METAP1: variants seen among roughly 807,000 people sequenced by gnomAD.
METAP1 encodes methionine aminopeptidase 1.
Under a neutral mutation model 53.8 loss-of-function variants are expected in METAP1, and 28 were observed. The ratio of observed to expected loss-of-function variants is 0.52; its 90% CI spans 0.39 to 0.71. The LOEUF is 0.71. METAP1 is among the 30% of genes least tolerant of loss of function. The probability of loss-of-function intolerance (pLI) is 0.00; values close to 1 mark genes in which losing one functional copy is unlikely to be tolerated. For missense variants in METAP1, 389 were observed against 479.8 expected (o/e 0.81, Z 1.77); for synonymous variants, 181 against 165.7 (o/e 1.09, Z -0.71).
At chr4:99,051,452 G>T (rs1726697239) in intron 9 of METAP1, among the ~76,000 whole-genome samples, 1 of 151,934 alleles carries the variant, frequency 6.6e-6, no homozygotes, top group African/African-American at 2.4e-5. Context: ...GTGTAGTGGT[G>T]CAGTCACAGC....
chr4:99,006,962 CTT>C (rs377025900), intron 1 of METAP1, among the ~76,000 whole-genome samples: 9 of 141,938 alleles, frequency 6.3e-5, no homozygotes, highest in East Asian at 6.1e-4. Flanking sequence ...TTGTGAAACA[CTT>C]TTTTTTTTTT....
At chr4:99,017,155 A>G (rs1007264968) in intron 1 of METAP1, among the ~76,000 whole-genome samples, 1 of 152,164 alleles carries the variant, frequency 6.6e-6, no homozygotes, top group East Asian at 1.9e-4. Context: ...TACAATAGCT[A>G]TTTCTCCTGG....
rs192708953 is a variant in METAP1, at chr4:99,060,767, G to A, written c.998-387G>A. ...GAATGTCCTTTTTAAAAAATTTCCTGTTTTAAAATGGACAATTATTGTACA... is the reference window on the plus strand; with the variant it reads ...GAATGTCCTTTTTAAAAAATTTCCTATTTTAAAATGGACAATTATTGTACA... On this transcript the variant is annotated intron_variant, in intron 10 of 10. Coordinates refer to ENST00000296411, the MANE Select transcript of METAP1 (RefSeq NM_015143.3). 1.3e-3 allele frequency among the ~76,000 whole-genome samples: 200 copies of A among 152,166 alleles called. 3 individuals are homozygous for A. The highest frequency in any genetic ancestry group is 0.013 in the Admixed American group (199 of 15,286).
At chr4:99,034,192 C>A in intron 2 of METAP1, 38 bp from the exon 3 acceptor site, 1 of 1,225,374 alleles carries the variant, frequency 8.2e-7, no homozygotes, top group Non-Finnish European at 1.2e-6. Context: ...TTCCCTCCTT[C>A]TCCTCCTTCC....
rs755333115 is a variant in METAP1 at position 99,061,342 on chromosome 4, G to A, written c.*25G>A. Reference sequence around the variant, plus strand: ...ATTTCTCCCAAGATGGCACATCTCAGTACCTTCTTACTGTGCTATGCATTT... The same window carrying A: ...ATTTCTCCCAAGATGGCACATCTCAATACCTTCTTACTGTGCTATGCATTT... On this transcript the variant is annotated 3_prime_UTR_variant, in exon 11 of 11. Transcript: ENST00000296411. 26 of 1,598,720 alleles carry A rather than the reference G, an allele frequency of 1.6e-5. No individual in the cohort carries two copies. Among genetic ancestry groups the A allele is most frequent in the East Asian group, 2.2e-5 (1 of 44,568 alleles).
intron 2 of METAP1, chr4:99,031,766 G>A: frequency 2.2e-6 from 1 of 461,036 alleles, no homozygotes; most frequent in South Asian, 1.7e-5. Flanking sequence ...GTTATTTTGT[G>A]TCAGCTGACC....
chr4:99,041,401 A>G lies in METAP1; in HGVS notation c.516+275A>G, dbSNP rs62325195. ...AGCATTTCAGTTGAGCTTTTATAAA[A>G]TGATTGATTTTATCTGCTTTAAGTA... is the stretch of plus-strand genomic sequence containing the variant. On this transcript the variant is annotated intron_variant, in intron 6 of 10. Transcript: ENST00000296411. Among the ~76,000 whole-genome samples the G allele has an allele frequency of 0.025, 3,746 of 152,246 alleles. 57 individuals are homozygous for G. The highest frequency in any genetic ancestry group is 0.035 in the Non-Finnish European group (2,370 of 67,972).
At chr4:99,035,778 C>T (rs1327791708) in intron 4 of METAP1, among the ~76,000 whole-genome samples, 3 of 152,038 alleles carry the variant, frequency 2.0e-5, no homozygotes, top group African/African-American at 7.2e-5. Flanking sequence ...TAAACAATAT[C>T]TATTTAGGTA....
intron 10 of METAP1, among the ~76,000 whole-genome samples, chr4:99,060,564 T>C (rs1292965757): frequency 6.6e-6 from 1 of 151,886 alleles, no homozygotes; most frequent in Non-Finnish European, 1.5e-5. Context: ...GGGGTTTCAC[T>C]GTGTTAGCTA....
At chr4:99,037,510 T>C (rs1399762923) in intron 4 of METAP1, among the ~76,000 whole-genome samples, 2 of 151,964 alleles carry the variant, frequency 1.3e-5, no homozygotes, top group African/African-American at 2.4e-5. Flanking sequence ...GGATGCAACT[T>C]AATTTTTTTT....
intron 1 of METAP1, among the ~76,000 whole-genome samples, chr4:99,009,773 C>T (rs887145621): frequency 6.6e-6 from 1 of 152,082 alleles, no homozygotes; most frequent in African/African-American, 2.4e-5. Context: ...AGATGTCAAC[C>T]CATTACCAGG....
intron 9 of METAP1, among the ~76,000 whole-genome samples, chr4:99,053,984 C>G (rs1204502390): frequency 6.6e-6 from 1 of 151,828 alleles, no homozygotes; most frequent in East Asian, 1.9e-4. Flanking sequence ...TGTTCTGTTT[C>G]TAGAGCACAG....
chr4:99,009,930 C>A (rs1723386801), intron 1 of METAP1, among the ~76,000 whole-genome samples: 1 of 152,176 alleles, frequency 6.6e-6, no homozygotes, highest in African/African-American at 2.4e-5. Flanking sequence ...GTGTTATCTC[C>A]AAACAATCAT....
At chr4:99,041,961 G>C (rs1202061023) in intron 6 of METAP1, among the ~76,000 whole-genome samples, 1 of 151,702 alleles carries the variant, frequency 6.6e-6, no homozygotes, top group Non-Finnish European at 1.5e-5. Context: ...TGCAATAATA[G>C]CATTTTGAGT....
At chr4:99,004,649 C>T (rs942445865) in intron 1 of METAP1, among the ~76,000 whole-genome samples, 4 of 152,146 alleles carry the variant, frequency 2.6e-5, no homozygotes, top group Admixed American at 6.6e-5. Flanking sequence ...TTCTTTGTCC[C>T]TCATCCAAGA....
intron 2 of METAP1, among the ~76,000 whole-genome samples, chr4:99,033,733 A>G (rs910332735): frequency 2.0e-5 from 3 of 152,208 alleles, no homozygotes; most frequent in Admixed American, 6.5e-5. Context: ...AAAGCAATTG[A>G]TCAGCTTTGT....
At chr4:99,043,429 C>T in intron 7 of METAP1, 42 bp downstream of exon 7, 1 of 1,544,972 alleles carries the variant, frequency 6.5e-7, no homozygotes. Flanking sequence ...GGCAAAGAAA[C>T]AACAAAGCTT....
chr4:99,024,539 G>A (rs1055172435), intron 1 of METAP1, among the ~76,000 whole-genome samples: 1 of 152,168 alleles, frequency 6.6e-6, no homozygotes, highest in Admixed American at 6.5e-5. Context: ...CAGTTCCTGG[G>A]TGGGGGCCAC....
intron 1 of METAP1, among the ~76,000 whole-genome samples, chr4:98,999,582 C>A (rs1722823628): frequency 7.1e-6 from 1 of 141,266 alleles, no homozygotes; most frequent in South Asian, 2.3e-4. Context: ...GTGATCTCGG[C>A]TCACTGCAAC....
Sources: gnomAD v4.1 joint callset for allele counts (sites outside exome capture counted in the v4.1 genomes callset) on GRCh38, gnomAD v4.1.1 for gene constraint, MANE v1.5 for transcripts, NCBI Gene and HGNC (gene_info 2026-07-23, HGNC 2026-07-21) for gene names.